Variants in POPDC3 observed in about 807,000 individuals in gnomAD.
POPDC3 encodes popeye domain cAMP effector 3.
In POPDC3, 20 loss-of-function variants were observed where a neutral mutation model predicts 28.2. The ratio of observed to expected loss-of-function variants is 0.71; its 90% confidence interval spans 0.50 to 1.03. POPDC3 has a LOEUF of 1.03. Among genes scored for constraint, POPDC3 ranks in the 50% least tolerant of loss-of-function variants. POPDC3 has a pLI of 0.00. For synonymous variants in POPDC3, 118 were observed against 124.1 expected (o/e 0.95, Z 0.33); for missense variants, 316 against 345.9 (o/e 0.91, Z 0.69).
chr6:105,172,787 C>CA (rs1447499873), intron 1 of POPDC3, among the ~76,000 whole-genome samples: 21 of 147,884 alleles, frequency 1.4e-4, no homozygotes, highest in African/African-American at 3.5e-4. Flanking sequence ...ATTGCAAGGA[C>CA]AAAAAACCAA....
In POPDC3 at chr6:105,176,542, C is replaced by G. The variant is rs1374147735; in HGVS notation, c.-252+3291G>C. ...AATTCTATTTTTTATAAAAGCATTT[C>G]TTTTTAATCTTTTGACATATCGTTT... On this transcript the variant is annotated intron_variant, in intron 1 of 3. Coordinates refer to ENST00000254765, the MANE Select transcript of POPDC3 (RefSeq NM_022361.5). 2.1e-5 allele frequency among the ~76,000 whole-genome samples: 3 copies of G among 142,024 alleles called. No homozygotes were observed. The East Asian group carries it at 6.4e-4, about 30-fold the overall frequency. 93.2% of individuals were successfully genotyped at this position (142,024 alleles called of 152,430 possible).
chr6:105,159,032 T>A, intron 3 of POPDC3: 1 of 277,518 alleles, frequency 3.6e-6, no homozygotes, highest in Non-Finnish European at 6.6e-6. Flanking sequence ...AACTACTTGA[T>A]CTTAAAAAAA....
chr6:105,175,390 A>AG (rs1248731083), intron 1 of POPDC3, among the ~76,000 whole-genome samples: 1 of 142,702 alleles, frequency 7.0e-6, no homozygotes, highest in Non-Finnish European at 1.5e-5. Flanking sequence ...AAAAAAAAAA[A>AG]AGCTGGGTGC....
chr6:105,176,678 T>A (rs372368470), intron 1 of POPDC3, among the ~76,000 whole-genome samples: 123 of 152,258 alleles, frequency 8.1e-4, no homozygotes, highest in African/African-American at 2.8e-3. Flanking sequence ...TGCCTCAGCC[T>A]CCCAAGTAGC....
At chr6:105,164,433 C>T (rs1233488073) in intron 1 of POPDC3, among the ~76,000 whole-genome samples, 1 of 152,168 alleles carries the variant, frequency 6.6e-6, no homozygotes, top group Non-Finnish European at 1.5e-5. Context: ...TGTTACCAAA[C>T]CATCTTTTTA....
At position 105,158,771 on chromosome 6, in the gene POPDC3, A is replaced by G; in HGVS notation, c.595-20T>C. The G allele has an allele frequency of 1.3e-6, 2 of 1,550,192 alleles. No homozygotes were observed. Among genetic ancestry groups the G allele is most frequent in the Non-Finnish European group, 1.7e-6 (2 of 1,144,008 alleles). On this transcript the variant is annotated intron_variant, in intron 3 of 3. Coordinates refer to ENST00000254765, the MANE Select transcript of POPDC3 (RefSeq NM_022361.5). The stretch of plus-strand genomic sequence containing the variant: ...GGTTACCTAAAAAACACAAGACCAC[A>G]CATAAACAGATGTGGAAGCAAGAAA...
At chr6:105,172,733 G>A (rs1018857894) in intron 1 of POPDC3, among the ~76,000 whole-genome samples, 6 of 150,468 alleles carry the variant, frequency 4.0e-5, no homozygotes, top group African/African-American at 1.5e-4. Context: ...CATGTCCTTT[G>A]TAGGGACATG....
chr6:105,179,002 G>A, intron 1 of POPDC3: 3 of 985,328 alleles, frequency 3.0e-6, no homozygotes, highest in Non-Finnish European at 3.6e-6. Flanking sequence ...GTCCAAAAGT[G>A]GGCTTCTAAT....
intron 1 of POPDC3, among the ~76,000 whole-genome samples, chr6:105,173,771 A>G (rs117081015): frequency 0.034 from 5,236 of 152,254 alleles, 99 homozygotes; most frequent in African/African-American, 0.051. Flanking sequence ...ATCATTATGG[A>G]GAATAAAGAT....
intron 2 of POPDC3, chr6:105,160,049 T>A (rs1774288218): frequency 3.0e-6 from 1 of 328,572 alleles, no homozygotes; most frequent in Non-Finnish European, 5.6e-6. Context: ...TTGAGTGAAA[T>A]TCATCAGAAA....
At chr6:105,164,549 T>TA (rs566723702) in intron 1 of POPDC3, among the ~76,000 whole-genome samples, 77 of 152,340 alleles carry the variant, frequency 5.1e-4, no homozygotes, top group African/African-American at 1.6e-3. Flanking sequence ...CCAAAACAGA[T>TA]ATGCTTTATT....
intron 2 of POPDC3, among the ~76,000 whole-genome samples, chr6:105,160,877 A>G (rs1774311462): frequency 6.6e-6 from 1 of 151,912 alleles, no homozygotes; most frequent in Non-Finnish European, 1.5e-5. Context: ...CTGGGATTAC[A>G]GGTGTTTTTG....
At chr6:105,178,618 C>T in intron 1 of POPDC3, 1 of 443,492 alleles carries the variant, frequency 2.3e-6, no homozygotes, top group Non-Finnish European at 3.0e-6. Flanking sequence ...ACAGATTTTT[C>T]AGGACAGAAC....
intron 2 of POPDC3, chr6:105,160,225 A>ATCCTC (rs1370881848): frequency 4.5e-5 from 7 of 155,278 alleles, no homozygotes; most frequent in African/African-American, 7.2e-5. Flanking sequence ...TTTTTTATTT[A>ATCCTC]TTTTTTGACA....
At chr6:105,172,622 A>G (rs1429966152) in intron 1 of POPDC3, among the ~76,000 whole-genome samples, 1 of 150,856 alleles carries the variant, frequency 6.6e-6, no homozygotes, top group African/African-American at 2.5e-5. Flanking sequence ...AATAGCAAAG[A>G]CTTGGAACCA....
chr6:105,178,940 C>T (rs1774731382), intron 1 of POPDC3: 9 of 985,246 alleles, frequency 9.1e-6, no homozygotes, highest in African/African-American at 1.7e-5. Context: ...ATCTAACTAC[C>T]GGAATTAGAG....
chr6:105,176,271 C>G (rs1050201805), intron 1 of POPDC3, among the ~76,000 whole-genome samples: 1 of 152,198 alleles, frequency 6.6e-6, no homozygotes, highest in Non-Finnish European at 1.5e-5. Context: ...GCAGCATGAG[C>G]TGCAGTTTTT....
intron 1 of POPDC3, chr6:105,179,163 A>C: frequency 1.0e-6 from 1 of 985,436 alleles, no homozygotes; most frequent in Non-Finnish European, 1.2e-6. Flanking sequence ...TACCACTGTA[A>C]CCGACATGGT....
At chr6:105,177,852 G>C (rs547806543) in intron 1 of POPDC3, among the ~76,000 whole-genome samples, 1 of 152,320 alleles carries the variant, frequency 6.6e-6, no homozygotes. Flanking sequence ...CTAAAAGTCT[G>C]TGTGAATCAA....
Sources: allele counts gnomAD v4.1 joint callset (sites outside exome capture counted in the v4.1 genomes callset), GRCh38; gene constraint gnomAD v4.1.1; transcripts MANE v1.5; gene names NCBI Gene and HGNC (gene_info 2026-07-23, HGNC 2026-07-21).